Variants in TMED3 observed in about 807,000 individuals in gnomAD.
TMED3 encodes transmembrane p24 trafficking protein 3.
A neutral mutation model predicts 15.0 loss-of-function variants in TMED3; 9 were observed. The observed-to-expected ratio is 0.60, with a 90% CI of 0.36 to 1.04. The LOEUF is 1.04. Among genes scored for constraint, TMED3 ranks in the 50% least tolerant of loss-of-function variants. The pLI, the probability that TMED3 is intolerant of heterozygous loss-of-function variation, is 0.01. For synonymous variants in TMED3, 117 were observed against 121.4 expected (o/e 0.96, Z 0.24); for missense variants, 267 against 278.9 (o/e 0.96, Z 0.30).
intron 2 of TMED3, among the ~76,000 whole-genome samples, chr15:79,380,492 G>GTT (rs1205079038): frequency 6.9e-6 from 1 of 144,518 alleles, no homozygotes; most frequent in Non-Finnish European, 1.5e-5. Context: ...TATAGTTATA[G>GTT]TTATATATAG....
intron 2 of TMED3, among the ~76,000 whole-genome samples, chr15:79,338,167 G>A (rs1047653040): frequency 6.6e-6 from 1 of 152,234 alleles, no homozygotes; most frequent in Non-Finnish European, 1.5e-5. Context: ...AACACAGATT[G>A]TAAAGAAAAG....
chr15:79,321,591 T>G (rs2058767026), intron 2 of TMED3, among the ~76,000 whole-genome samples: 1 of 152,220 alleles, frequency 6.6e-6, no homozygotes, highest in Admixed American at 6.5e-5. Context: ...TTTGGGCAAT[T>G]CGTGTAGCCT....
intron 2 of TMED3, among the ~76,000 whole-genome samples, chr15:79,368,693 C>T (rs546232385): frequency 6.6e-6 from 1 of 152,120 alleles, no homozygotes; most frequent in Non-Finnish European, 1.5e-5. Context: ...TGTAACTGAG[C>T]ACCTCCATTT....
intron 2 of TMED3, among the ~76,000 whole-genome samples, chr15:79,346,902 CA>C (rs896175479): frequency 6.6e-5 from 10 of 151,962 alleles, no homozygotes; most frequent in African/African-American, 2.2e-4. Context: ...GCCTACTAAC[CA>C]AAAAAGCCCA....
chr15:79,394,779 C>T (rs146607354), intron 2 of TMED3, among the ~76,000 whole-genome samples: 6 of 152,286 alleles, frequency 3.9e-5, no homozygotes, highest in African/African-American at 1.4e-4. Flanking sequence ...AGTTTTAACA[C>T]AGTATCCTAT....
At chr15:79,331,025 A>C (rs546422400) in intron 2 of TMED3, among the ~76,000 whole-genome samples, 2 of 152,318 alleles carry the variant, frequency 1.3e-5, no homozygotes, top group East Asian at 3.9e-4. Flanking sequence ...GGGAGGCCTA[A>C]GGGAGCTTTT....
chr15:79,347,405 A>G (rs1247187903), intron 2 of TMED3, among the ~76,000 whole-genome samples: 1 of 152,216 alleles, frequency 6.6e-6, no homozygotes, highest in African/African-American at 2.4e-5. Context: ...GCCATCTATG[A>G]CAAACCCACA....
intron 2 of TMED3, among the ~76,000 whole-genome samples, chr15:79,387,992 A>G (rs55846491): frequency 0.033 from 5,069 of 152,170 alleles, 270 homozygotes; most frequent in African/African-American, 0.11. Flanking sequence ...TGATTCACCT[A>G]CGGTACTTCT....
intron 2 of TMED3, among the ~76,000 whole-genome samples, chr15:79,389,849 T>G (rs1893674789): frequency 6.6e-6 from 1 of 152,046 alleles, no homozygotes; most frequent in Non-Finnish European, 1.5e-5. Flanking sequence ...TTTTTGCAAC[T>G]GTCATAAAAG....
chr15:79,376,058 G>A (rs966011352), intron 2 of TMED3, among the ~76,000 whole-genome samples: 8 of 146,158 alleles, frequency 5.5e-5, no homozygotes, highest in Admixed American at 2.0e-4. Flanking sequence ...GTGACATACC[G>A]TATCAAAACT....
At chr15:79,392,064 AT>A (rs1489053548) in intron 2 of TMED3, among the ~76,000 whole-genome samples, 1 of 152,198 alleles carries the variant, frequency 6.6e-6, no homozygotes, top group Admixed American at 6.5e-5. Context: ...TAAGTGGAGC[AT>A]TTAGGCAATT....
chr15:79,391,055 T>C (rs1405012910), intron 2 of TMED3, among the ~76,000 whole-genome samples: 1 of 152,120 alleles, frequency 6.6e-6, no homozygotes, highest in Admixed American at 6.6e-5. Context: ...ATTTATCTTT[T>C]GTATTTTTTT....
intron 2 of TMED3, among the ~76,000 whole-genome samples, chr15:79,380,580 T>TGTATATATGTAG (rs1893512806): frequency 9.4e-6 from 1 of 105,938 alleles, no homozygotes; most frequent in Admixed American, 9.7e-5. Context: ...TATATATAGT[T>TGTATATATGTAG]TTATATATAT....
At chr15:79,378,658 A>C (rs1405430618) in intron 2 of TMED3, among the ~76,000 whole-genome samples, 1 of 152,208 alleles carries the variant, frequency 6.6e-6, no homozygotes, top group East Asian at 1.9e-4. Flanking sequence ...AGGATGAGGC[A>C]TGGGAGCTCA....
At chr15:79,336,124 T>G (rs1013332292) in intron 2 of TMED3, among the ~76,000 whole-genome samples, 1 of 152,180 alleles carries the variant, frequency 6.6e-6, no homozygotes, top group South Asian at 2.1e-4. Flanking sequence ...GATAAAGGAA[T>G]AATTGGTCAG....
chr15:79,383,065 G>A (rs1426469281), intron 2 of TMED3: 2 of 1,527,388 alleles, frequency 1.3e-6, no homozygotes, highest in Non-Finnish European at 1.8e-6. Context: ...TACCTCCTGT[G>A]CATGCTCCAC....
intron 2 of TMED3, among the ~76,000 whole-genome samples, chr15:79,357,061 C>T (rs1413117611): frequency 6.6e-6 from 1 of 152,020 alleles, no homozygotes; most frequent in Non-Finnish European, 1.5e-5. Flanking sequence ...TATGAACAAA[C>T]ATATAAACAT....
chr15:79,363,216 T>C (rs995869998), intron 2 of TMED3, among the ~76,000 whole-genome samples: 11 of 152,210 alleles, frequency 7.2e-5, no homozygotes, highest in African/African-American at 2.4e-4. Flanking sequence ...TTTGAATGTT[T>C]AAAAAACTGC....
At chr15:79,317,610 A>ATG (rs10686394) in intron 2 of TMED3, among the ~76,000 whole-genome samples, 147,850 of 152,122 alleles carry the variant, frequency 0.97, 71,986 homozygotes, top group East Asian at 1. Flanking sequence ...ATGAATACAT[A>ATG]TGTGTGTGTG....
Sources: gnomAD v4.1 joint callset for allele counts (sites outside exome capture counted in the v4.1 genomes callset) on GRCh38, gnomAD v4.1.1 for gene constraint, MANE v1.5 for transcripts, NCBI Gene and HGNC (gene_info 2026-07-23, HGNC 2026-07-21) for gene names.